Variants in ABHD12 observed in about 807,000 individuals in gnomAD.
The protein encoded by ABHD12 is lysophosphatidylserine lipase ABHD12.
Under a neutral mutation model 58.3 loss-of-function variants are expected in ABHD12, and 43 were observed. That is an observed-to-expected ratio of 0.74 (90% CI 0.58 to 0.95). The LOEUF is 0.95. Ranked by LOEUF, ABHD12 falls within the 40% of genes least tolerant of loss-of-function variation. ABHD12 has a pLI of 0.00. For missense variants in ABHD12, 539 were observed against 537.2 expected (o/e 1.00, Z -0.03); for synonymous variants, 219 against 211.2 (o/e 1.04, Z -0.32).
chr20:25,322,381 A>ATATATATATATTTTTTTTTTT, intron 3 of ABHD12, among the ~76,000 whole-genome samples: 1 of 59,268 alleles, frequency 1.7e-5, no homozygotes, highest in African/African-American at 8.3e-5. Flanking sequence ...ATATATATAT[A>ATATATATATATTTTTTTTTTT]TTTTTTTTTT....
At chr20:25,390,346 G>A (rs1182564591) in intron 1 of ABHD12, among the ~76,000 whole-genome samples, 167 bp downstream of exon 1, 1 of 152,128 alleles carries the variant, frequency 6.6e-6, no homozygotes, top group Non-Finnish European at 1.5e-5. Flanking sequence ...CGGGGGTGGG[G>A]CTGCCGCGGG....
chr20:25,338,761 G>A, intron 2 of ABHD12: 2 of 991,408 alleles, frequency 2.0e-6, no homozygotes, highest in Non-Finnish European at 2.4e-6. Flanking sequence ...TTTTTTAAAG[G>A]TACTATATTT....
intron 2 of ABHD12, among the ~76,000 whole-genome samples, chr20:25,324,791 A>AC (rs2089144917): frequency 6.6e-6 from 1 of 152,144 alleles, no homozygotes; most frequent in Non-Finnish European, 1.5e-5. Context: ...TTCATACCCC[A>AC]CCTTCTTACT....
chr20:25,339,934 C>A (rs2089433187), intron 1 of ABHD12, among the ~76,000 whole-genome samples: 1 of 152,228 alleles, frequency 6.6e-6, no homozygotes, highest in African/African-American at 2.4e-5. Context: ...CTTTTCCAGG[C>A]CCGTCAAGCC....
chr20:25,312,204 T>TTC, intron 6 of ABHD12, among the ~76,000 whole-genome samples: 1 of 151,528 alleles, frequency 6.6e-6, no homozygotes, highest in Non-Finnish European at 1.5e-5. Flanking sequence ...CTCCCTCTCT[T>TTC]TCCACGGTCT....
At chr20:25,362,427 C>T (rs1038294977) in intron 1 of ABHD12, among the ~76,000 whole-genome samples, 3 of 151,678 alleles carry the variant, frequency 2.0e-5, no homozygotes, top group South Asian at 4.2e-4. Context: ...ATCAGCCGGG[C>T]GTGGTGGCGG....
chr20:25,378,665 A>C (rs1600877808), intron 1 of ABHD12, among the ~76,000 whole-genome samples: 1 of 150,684 alleles, frequency 6.6e-6, no homozygotes, highest in African/African-American at 2.4e-5. Context: ...TGAAGACTCC[A>C]CCAGCCTGAT....
chr20:25,317,921 C>T (rs955938757), intron 4 of ABHD12, among the ~76,000 whole-genome samples: 4 of 152,224 alleles, frequency 2.6e-5, no homozygotes, highest in African/African-American at 9.7e-5. Context: ...CCGTGCTCCT[C>T]CTTCCTCAGG....
chr20:25,302,187 C>G, intron 12 of ABHD12, 32 bp downstream of exon 12: 1 of 1,612,116 alleles, frequency 6.2e-7, no homozygotes, highest in Non-Finnish European at 8.5e-7. Flanking sequence ...GCTGCCCAGA[C>G]GAAGCCCCTG....
At chr20:25,302,444 G>A (rs2088654810) in intron 11 of ABHD12, 98 bp from the exon 12 acceptor site, 2 of 1,496,914 alleles carry the variant, frequency 1.3e-6, no homozygotes, top group South Asian at 1.1e-5. Flanking sequence ...ATAGAAACCA[G>A]TCCAGAGTCC....
chr20:25,322,767 G>A (rs1455848915), intron 3 of ABHD12, among the ~76,000 whole-genome samples: 1 of 151,858 alleles, frequency 6.6e-6, no homozygotes, highest in Non-Finnish European at 1.5e-5. Flanking sequence ...CTGTCATCCA[G>A]GCTGGAGTGC....
chr20:25,302,746 A>G (rs2088660673), intron 11 of ABHD12, among the ~76,000 whole-genome samples: 1 of 151,990 alleles, frequency 6.6e-6, no homozygotes, highest in Admixed American at 6.5e-5. Flanking sequence ...TCCCCCTCTC[A>G]TTTCGGCAAG....
intron 1 of ABHD12, among the ~76,000 whole-genome samples, chr20:25,377,353 T>C (rs2089973283): frequency 6.6e-6 from 1 of 152,208 alleles, no homozygotes; most frequent in Non-Finnish European, 1.5e-5. Flanking sequence ...AGACCTATTC[T>C]TAGTCAGTTT....
chr20:25,322,968 T>C (rs530478274), intron 3 of ABHD12, among the ~76,000 whole-genome samples: 1 of 149,856 alleles, frequency 6.7e-6, no homozygotes, highest in Admixed American at 6.6e-5. Flanking sequence ...AGTGATCCAC[T>C]TGCCTCAGCC....
At chr20:25,331,926 T>C (rs1282879942) in intron 2 of ABHD12, among the ~76,000 whole-genome samples, 3 of 151,858 alleles carry the variant, frequency 2.0e-5, no homozygotes, top group Non-Finnish European at 4.4e-5. Context: ...GCTAACATCA[T>C]AATGACAGGA....
intron 3 of ABHD12, among the ~76,000 whole-genome samples, chr20:25,322,373 A>AT (rs1364702027): frequency 2.1e-5 from 1 of 47,240 alleles, no homozygotes; most frequent in Non-Finnish European, 4.1e-5. Flanking sequence ...ATATATATAT[A>AT]TATATATATT....
intron 1 of ABHD12, among the ~76,000 whole-genome samples, chr20:25,377,962 C>T (rs1049948126): frequency 6.6e-6 from 1 of 152,192 alleles, no homozygotes; most frequent in Non-Finnish European, 1.5e-5. Flanking sequence ...TCCCAAAGTG[C>T]TGGGATGACA....
At chr20:25,299,212 C>T (rs2088596049), downstream of ABHD12, among the ~76,000 whole-genome samples, 1 of 152,200 alleles carries the variant, frequency 6.6e-6, no homozygotes, top group Non-Finnish European at 1.5e-5. Flanking sequence ...GCCTGGGCAA[C>T]ATGGCAAAAC....
intron 6 of ABHD12, among the ~76,000 whole-genome samples, chr20:25,313,692 A>C (rs892285195): frequency 6.6e-6 from 1 of 152,158 alleles, no homozygotes; most frequent in African/African-American, 2.4e-5. Context: ...TGAGTTGGGA[A>C]GATCACTTGA....
Sources: gnomAD v4.1 joint callset for allele counts (sites outside exome capture counted in the v4.1 genomes callset) on GRCh38, gnomAD v4.1.1 for gene constraint, MANE v1.5 for transcripts, NCBI Gene and HGNC (gene_info 2026-07-23, HGNC 2026-07-21) for gene names.